PRKCQ: variants seen among roughly 807,000 people sequenced by gnomAD.
The protein encoded by PRKCQ is protein kinase C theta type.
PRKCQ carries 41 observed loss-of-function variants against 91.2 expected under a neutral mutation model. That is an observed-to-expected ratio of 0.45 (90% confidence interval 0.35 to 0.58). PRKCQ has a LOEUF of 0.58. Ranked by LOEUF, PRKCQ falls within the 20% of genes least tolerant of loss-of-function variation. The probability of loss-of-function intolerance (pLI) is 0.00; values close to 1 mark genes in which losing one functional copy is unlikely to be tolerated. For missense variants in PRKCQ, 673 were observed against 896.5 expected (o/e 0.75, Z 3.18); for synonymous variants, 307 against 316.9 (o/e 0.97, Z 0.33).
chr10:6,545,185 T>C (rs1249592857), intron 1 of PRKCQ, among the ~76,000 whole-genome samples: 2 of 152,226 alleles, frequency 1.3e-5, no homozygotes, highest in African/African-American at 4.8e-5. Context: ...GAAAGGCATT[T>C]TTCTTGCACC....
At chr10:6,514,846 C>T (rs542189176) in intron 2 of PRKCQ, among the ~76,000 whole-genome samples, 172 bp downstream of exon 2, 65 of 152,278 alleles carry the variant, frequency 4.3e-4, no homozygotes, top group African/African-American at 1.4e-3. Context: ...GAGTCCATCA[C>T]GAAATGTGTG....
chr10:6,475,928 A>G (rs1433525117), intron 12 of PRKCQ, among the ~76,000 whole-genome samples: 1 of 152,206 alleles, frequency 6.6e-6, no homozygotes, highest in African/African-American at 2.4e-5. Flanking sequence ...AGTCAGATTT[A>G]CATTTCATGT....
chr10:6,486,166 G>T (rs766303290), intron 8 of PRKCQ, 22 bp from the exon 9 acceptor site: 2 of 1,588,514 alleles, frequency 1.3e-6, no homozygotes, highest in Non-Finnish European at 1.7e-6. Flanking sequence ...AAGGCAGATA[G>T]TGAGCAAGAG....
At chr10:6,479,238 T>C in intron 11 of PRKCQ, 73 bp from the exon 12 acceptor site, 2 of 1,545,814 alleles carry the variant, frequency 1.3e-6, no homozygotes, top group Non-Finnish European at 1.8e-6. Flanking sequence ...GACAGAGTCC[T>C]GAGAGACACC....
chr10:6,566,888 A>AG (rs1168535453), intron 1 of PRKCQ, among the ~76,000 whole-genome samples: 1 of 152,102 alleles, frequency 6.6e-6, no homozygotes. Context: ...CGGAGTGCTT[A>AG]GGGCTCTCAA....
intron 16 of PRKCQ, among the ~76,000 whole-genome samples, chr10:6,436,260 T>C (rs1833689868): frequency 6.6e-6 from 1 of 152,220 alleles, no homozygotes; most frequent in Non-Finnish European, 1.5e-5. Context: ...GCAGATGACT[T>C]TTTATTTGGG....
intron 12 of PRKCQ, among the ~76,000 whole-genome samples, chr10:6,474,071 C>G (rs547719025): frequency 6.6e-6 from 1 of 152,148 alleles, no homozygotes; most frequent in Non-Finnish European, 1.5e-5. Context: ...GAAGCCATAA[C>G]CGGAAGTAGA....
chr10:6,431,787 C>T (rs1833442002), intron 16 of PRKCQ, among the ~76,000 whole-genome samples: 1 of 152,216 alleles, frequency 6.6e-6, no homozygotes, highest in Non-Finnish European at 1.5e-5. Flanking sequence ...GAGAATTACC[C>T]TCAGCTCCTG....
chr10:6,568,068 T>A lies in PRKCQ; in HGVS notation c.-10+12143A>T, dbSNP rs142369996. ...GCCTGGCCAACATGATGAAAACATG[T>A]CTCTGCTAAAAATACAAAAGTTATC... On this transcript the variant is annotated intron_variant, in intron 1 of 17. Coordinates refer to ENST00000263125, the MANE Select transcript of PRKCQ (RefSeq NM_006257.5). Among the ~76,000 whole-genome samples the A allele has an allele frequency of 1.9e-3, 290 of 152,156 alleles. 2 individuals carry two copies. The highest frequency in any genetic ancestry group is 6.7e-3 in the African/African-American group (279 of 41,516).
intron 1 of PRKCQ, among the ~76,000 whole-genome samples, chr10:6,533,913 T>C (rs900464577): frequency 1.3e-5 from 2 of 152,180 alleles, no homozygotes; most frequent in Non-Finnish European, 2.9e-5. Context: ...CTAAAAGTAC[T>C]AGGTAACATA....
At chr10:6,537,262 A>T (rs1051090879) in intron 1 of PRKCQ, among the ~76,000 whole-genome samples, 2 of 152,180 alleles carry the variant, frequency 1.3e-5, no homozygotes, top group African/African-American at 4.8e-5. Flanking sequence ...CCATTTTGTT[A>T]ATCTATACCT....
At chr10:6,447,762 C>T (rs952698938) in intron 15 of PRKCQ, among the ~76,000 whole-genome samples, 6 of 152,214 alleles carry the variant, frequency 3.9e-5, no homozygotes, top group Admixed American at 2.0e-4. Flanking sequence ...CTCACCTAGT[C>T]GGCCTTCCCC....
chr10:6,498,326 C>A lies in PRKCQ; in HGVS notation c.542+70G>T, dbSNP rs530977734. The A allele has an allele frequency of 3.0e-5, 47 of 1,551,078 alleles. No homozygotes were observed. In the South Asian group the frequency reaches 3.5e-4, roughly 12 times the overall value. ...CACCCCCCACAGTGGAGCATGCCAG[C>A]GTAGAGGATTAAGAAGACGCAACAA... On this transcript the variant is annotated intron_variant, in intron 5 of 17. Transcript: ENST00000263125.
At chr10:6,418,928 A>C in the PRKCQ span, among the ~76,000 whole-genome samples, 1 of 152,028 alleles carries the variant, frequency 6.6e-6, no homozygotes, top group Non-Finnish European at 1.5e-5. Context: ...CCATTCATTT[A>C]TCTCATCTCT....
At chr10:6,431,452 G>T (rs982368268) in intron 16 of PRKCQ, among the ~76,000 whole-genome samples, 7 of 152,076 alleles carry the variant, frequency 4.6e-5, no homozygotes, top group Admixed American at 1.3e-4. Flanking sequence ...GCATACACAT[G>T]CACATGGACA....
chr10:6,522,166 T>C (rs937560725), intron 1 of PRKCQ, among the ~76,000 whole-genome samples: 4 of 152,158 alleles, frequency 2.6e-5, no homozygotes, highest in Non-Finnish European at 5.9e-5. Context: ...GGTCTTGAAC[T>C]CCTGACCTCA....
intron 15 of PRKCQ, among the ~76,000 whole-genome samples, chr10:6,452,238 C>G (rs555516472): frequency 4.1e-4 from 63 of 152,322 alleles, no homozygotes; most frequent in African/African-American, 1.5e-3. Context: ...TCTCAGCATA[C>G]AAAATCAATG....
chr10:6,515,602 T>C, intron 1 of PRKCQ: 2 of 802,966 alleles, frequency 2.5e-6, no homozygotes, highest in Non-Finnish European at 3.0e-6. Flanking sequence ...ACATGGTCTA[T>C]TTATGTGTGT....
the PRKCQ span, among the ~76,000 whole-genome samples, chr10:6,408,181 A>G: frequency 6.7e-5 from 10 of 149,882 alleles, no homozygotes; most frequent in Non-Finnish European, 1.2e-4. Flanking sequence ...TTTCCTTGCA[A>G]TTTATTTATT....
Sources: gnomAD v4.1 joint callset for allele counts (sites outside exome capture counted in the v4.1 genomes callset) on GRCh38, gnomAD v4.1.1 for gene constraint, MANE v1.5 for transcripts, NCBI Gene and HGNC (gene_info 2026-07-23, HGNC 2026-07-21) for gene names.